The following AEBP2 variants were observed in gnomAD, a reference collection of about 807,000 sequenced individuals.
AEBP2 encodes the protein zinc finger protein AEBP2.
AEBP2 carries 10 observed loss-of-function variants against 50.8 expected under a neutral mutation model. The ratio of observed to expected loss-of-function variants is 0.20; its 90% CI spans 0.12 to 0.33. The LOEUF (loss-of-function observed/expected upper bound fraction) is 0.33, where lower values mean the gene tolerates loss of function less well. Ranked by LOEUF, AEBP2 falls within the 10% of genes least tolerant of loss-of-function variation. The probability of loss-of-function intolerance (pLI) is 1.00; values close to 1 mark genes in which losing one functional copy is unlikely to be tolerated. For synonymous variants in AEBP2, 296 were observed against 261.3 expected, an observed-to-expected ratio of 1.13 and a Z score of -1.28; for missense variants, 570 against 688.0, an observed-to-expected ratio of 0.83 and a Z score of 1.92.
chr12:19,440,830 C>A, intron 1 of AEBP2: 1 of 1,413,476 alleles, frequency 7.1e-7, no homozygotes, highest in Non-Finnish European at 9.6e-7. Flanking sequence ...ACTTCCTTGT[C>A]CATGGGAGAG....
At chr12:19,498,560 A>T (rs892520556) in intron 4 of AEBP2, among the ~76,000 whole-genome samples, 1 of 152,168 alleles carries the variant, frequency 6.6e-6, no homozygotes, top group African/African-American at 2.4e-5. Context: ...AAATCAGCAT[A>T]TATGTAATTC....
rs60355570 is a variant in AEBP2 at position 19,485,948 on chromosome 12, CTTTTTTTTTTT to C, written c.988-7842_988-7832del. ...AGGTGATGTTTGAGGTGAGCCTCTG[CTTTTTTTTTTT>C]TTTTTTTTTCATTTTGTTTGAAGGT... On this transcript the variant is annotated intron_variant, in intron 3 of 7. Coordinates refer to ENST00000266508, the MANE Select transcript of AEBP2 (RefSeq NM_153207.5). 1.4e-4 allele frequency among the ~76,000 whole-genome samples: 13 copies of C among 91,226 alleles called. No homozygotes were observed. The East Asian group carries it at 3.5e-3, about 25-fold the overall frequency. The allele number at this position is 91,226 out of a possible 152,430, so 59.8% of individuals were successfully genotyped here. A position where few individuals can be genotyped will look rare whatever the true frequency, so the allele number is the denominator to read the frequency against.
intron 5 of AEBP2, among the ~76,000 whole-genome samples, chr12:19,501,318 C>T (rs368416484): frequency 2.4e-4 from 33 of 137,686 alleles, no homozygotes; most frequent in African/African-American, 6.3e-4. Context: ...GCAGCAAGAG[C>T]GAAACTCCAT....
chr12:19,437,869 A>G (rs750132397), upstream of AEBP2, among the ~76,000 whole-genome samples: 1 of 152,176 alleles, frequency 6.6e-6, no homozygotes, highest in African/African-American at 2.4e-5. Context: ...AATACTGGGT[A>G]CTCACGGTAT....
chr12:19,446,840 T>C (rs1428915511), intron 1 of AEBP2, among the ~76,000 whole-genome samples: 1 of 151,440 alleles, frequency 6.6e-6, no homozygotes, highest in East Asian at 1.9e-4. Flanking sequence ...GGCAGGAGGA[T>C]CACTTGGATC....
At chr12:19,433,192 C>T (rs7304713) in intron 1 of AEBP2, among the ~76,000 whole-genome samples, 1,578 of 152,276 alleles carry the variant, frequency 0.01, 32 homozygotes, top group African/African-American at 0.035. Flanking sequence ...TCGAGACCAG[C>T]CTGGCCAACA....
rs755581167 is a variant in AEBP2, at chr12:19,500,116, C to T, written c.1194C>T (p.Phe398=). ...TTTTAGCACGGCCACATGATTTCTT[C>T]GATGCACAAACACTGGATGCGATAA... is the stretch of plus-strand genomic sequence containing the variant. ...RRSLPRPHDF[F]DAQTLDAIRH... is the part of the protein sequence containing the mutation. Residue 398 remains phenylalanine, a synonymous_variant, in exon 5 of 8, where the codon TTC becomes TTT. Transcript: ENST00000266508. 30 of 1,605,738 alleles carry T rather than the reference C, an allele frequency of 1.9e-5. No individual in the cohort carries two copies. The highest frequency in any genetic ancestry group is 2.5e-5 in the Non-Finnish European group (29 of 1,176,412).
chr12:19,455,914 C>G (rs1308906899), intron 1 of AEBP2, among the ~76,000 whole-genome samples: 2 of 151,856 alleles, frequency 1.3e-5, no homozygotes, highest in African/African-American at 4.8e-5. Context: ...TCATCAGTTT[C>G]AGTTGGGTAA....
chr12:19,464,141 C>T (rs568905390), intron 2 of AEBP2, among the ~76,000 whole-genome samples: 12 of 152,236 alleles, frequency 7.9e-5, no homozygotes, highest in African/African-American at 2.9e-4. Context: ...GATCTGTTAA[C>T]TAACTGTGTC....
At chr12:19,472,797 T>C (rs1162864898) in intron 2 of AEBP2, among the ~76,000 whole-genome samples, 1 of 152,186 alleles carries the variant, frequency 6.6e-6, no homozygotes, top group East Asian at 1.9e-4. Flanking sequence ...TATCTTCTAA[T>C]TAACATTTAT....
intron 3 of AEBP2, among the ~76,000 whole-genome samples, chr12:19,483,570 T>A (rs2120362903): frequency 6.6e-6 from 1 of 152,342 alleles, no homozygotes; most frequent in South Asian, 2.1e-4. Flanking sequence ...GTGTTCTCTC[T>A]GCCAAAGTGG....
chr12:19,456,633 G>T, intron 1 of AEBP2: 1 of 1,524,152 alleles, frequency 6.6e-7, no homozygotes, highest in Non-Finnish European at 9.1e-7. Context: ...CGCTTCCATT[G>T]GTGGGTCATC....
intron 1 of AEBP2, among the ~76,000 whole-genome samples, chr12:19,427,198 G>T (rs2095748984): frequency 1.3e-5 from 2 of 151,980 alleles, no homozygotes; most frequent in South Asian, 4.2e-4. Flanking sequence ...CCAACATGGT[G>T]AAACCCCATC....
intron 3 of AEBP2, among the ~76,000 whole-genome samples, chr12:19,490,021 G>A (rs1424237985): frequency 9.5e-6 from 1 of 105,378 alleles, no homozygotes; most frequent in Non-Finnish European, 1.9e-5. Flanking sequence ...TTTTTGCATG[G>A]GGGAGGTTAG....
chr12:19,466,350 G>A (rs1443737296), intron 2 of AEBP2, among the ~76,000 whole-genome samples: 3 of 152,018 alleles, frequency 2.0e-5, no homozygotes, highest in South Asian at 2.1e-4. Flanking sequence ...TAGCCACTCC[G>A]GGGGATGAGG....
intron 1 of AEBP2, among the ~76,000 whole-genome samples, chr12:19,444,682 C>T (rs1297093645): frequency 6.6e-6 from 1 of 152,224 alleles, no homozygotes; most frequent in Non-Finnish European, 1.5e-5. Context: ...GAAATAATTT[C>T]TGTTAAAGAG....
At chr12:19,502,302 T>G (rs538912995) in intron 5 of AEBP2, among the ~76,000 whole-genome samples, 68 of 152,010 alleles carry the variant, frequency 4.5e-4, no homozygotes, top group African/African-American at 1.4e-3. Flanking sequence ...CCCAGCTAAT[T>G]TTTGTATTTT....
At chr12:19,497,595 C>G (rs1309459854) in intron 4 of AEBP2, among the ~76,000 whole-genome samples, 1 of 152,028 alleles carries the variant, frequency 6.6e-6, no homozygotes, top group African/African-American at 2.4e-5. Context: ...GCGTCAGCTT[C>G]TTGAGTAGCT....
At chr12:19,462,164 T>A (rs781242474) in intron 1 of AEBP2, among the ~76,000 whole-genome samples, 1 of 152,172 alleles carries the variant, frequency 6.6e-6, no homozygotes, top group South Asian at 2.1e-4. Flanking sequence ...TACTTTCTTA[T>A]GCTTCTTTGA....
Sources: gnomAD v4.1 joint callset for allele counts (sites outside exome capture counted in the v4.1 genomes callset) on GRCh38, gnomAD v4.1.1 for gene constraint, MANE v1.5 for transcripts, NCBI Gene and HGNC (gene_info 2026-07-23, HGNC 2026-07-21) for gene names.